RAPGEF2: variants seen among roughly 807,000 people sequenced by gnomAD.
The protein encoded by RAPGEF2 is PDZ domain containing guanine nucleotide exchange factor (GEF) 1.
RAPGEF2 carries 54 observed loss-of-function variants against 186.7 expected under a neutral mutation model. The observed-to-expected ratio is 0.29, with a 90% CI of 0.23 to 0.36. The LOEUF (loss-of-function observed/expected upper bound fraction) is 0.36, where lower values mean the gene tolerates loss of function less well. RAPGEF2 is among the 10% of genes least tolerant of loss of function. The probability of loss-of-function intolerance (pLI) is 1.00; values close to 1 mark genes in which losing one functional copy is unlikely to be tolerated. For synonymous variants in RAPGEF2, 712 were observed against 705.9 expected, an observed-to-expected ratio of 1.01 and a Z score of -0.14; for missense variants, 1,532 against 2,045.0, an observed-to-expected ratio of 0.75 and a Z score of 4.84.
intron 1 of RAPGEF2, among the ~76,000 whole-genome samples, chr4:159,150,359 C>T (rs1040982098): frequency 1.3e-5 from 2 of 152,112 alleles, no homozygotes; most frequent in African/African-American, 4.8e-5. Flanking sequence ...TGAATATATA[C>T]GGTTGATTCA....
At chr4:159,296,155 A>T (rs1003722026) in intron 7 of RAPGEF2, among the ~76,000 whole-genome samples, 7 of 152,224 alleles carry the variant, frequency 4.6e-5, no homozygotes, top group African/African-American at 7.2e-5. Context: ...TGGTTGTTGT[A>T]AAGAACTTGC....
chr4:159,201,765 G>T (rs78784316), intron 3 of RAPGEF2, among the ~76,000 whole-genome samples: 6 of 152,178 alleles, frequency 3.9e-5, no homozygotes, highest in Admixed American at 3.3e-4. Flanking sequence ...TGGTGAGACC[G>T]CAGATACAGG....
chr4:159,294,700 G>A (rs971155501), intron 7 of RAPGEF2, among the ~76,000 whole-genome samples: 90 of 95,550 alleles, frequency 9.4e-4, no homozygotes, highest in Non-Finnish European at 4.1e-4. Flanking sequence ...CTTTCCGTCC[G>A]TCTGTCCGTC....
At chr4:159,267,268 G>A in intron 7 of RAPGEF2, 1 of 1,289,376 alleles carries the variant, frequency 7.8e-7, no homozygotes, top group Non-Finnish European at 1.0e-6. Flanking sequence ...GGCTTTCCTT[G>A]TGCGTTGCTA....
Position 159,181,100 on chromosome 4 carries a change from A to T in RAPGEF2, c.70-5542A>T, listed in dbSNP as rs375911674. 7.2e-5 allele frequency among the ~76,000 whole-genome samples: 11 copies of T among 152,342 alleles called. 1 individual carries two copies. In the East Asian group the frequency reaches 2.1e-3, roughly 29 times the overall value. Reference sequence around the variant, plus strand: ...TTGTATAAGAGCGTGGCCCTTATACAACTGTGAAACACCGTAATGTTGAAA... The same window carrying T: ...TTGTATAAGAGCGTGGCCCTTATACTACTGTGAAACACCGTAATGTTGAAA... On this transcript the variant is annotated intron_variant, in intron 1 of 29. Coordinates refer to ENST00000691494, the MANE Select transcript of RAPGEF2 (RefSeq NM_001394067.2).
At chr4:159,323,906 CT>C (rs533696130) in intron 11 of RAPGEF2, among the ~76,000 whole-genome samples, 274 of 130,208 alleles carry the variant, frequency 2.1e-3, no homozygotes, top group Middle Eastern at 4.5e-3. Flanking sequence ...TTTTGGAGGG[CT>C]TTTTTTTTTT....
intron 9 of RAPGEF2, among the ~76,000 whole-genome samples, chr4:159,321,254 T>TG (rs1369055954): frequency 1.3e-5 from 2 of 151,560 alleles, no homozygotes; most frequent in African/African-American, 4.9e-5. Flanking sequence ...TCACCCATTA[T>TG]GGAGTACATT....
chr4:159,308,814 G>A (rs1052022771), intron 8 of RAPGEF2, among the ~76,000 whole-genome samples: 1 of 152,110 alleles, frequency 6.6e-6, no homozygotes, highest in Non-Finnish European at 1.5e-5. Context: ...GGGAGTTGTG[G>A]GAGTTCCTGT....
In RAPGEF2 at chr4:159,355,884, G is replaced by GCC; in HGVS notation, c.4685_4686dup (p.Thr1563ProfsTer63). ...AGGAGGGCAGGTATCGAGAGCCCCC[G>GCC]CCCACCCCTCCCGGCTACATTGGAA... On this transcript the variant is annotated frameshift_variant, in exon 29 of 30. Transcript: ENST00000691494. LOFTEE classifies it high-confidence loss of function. The GCC allele has an allele frequency of 1.4e-6, 1 of 694,202 alleles. No individual in the cohort carries two copies. The highest frequency in any genetic ancestry group is 2.0e-6 in the Non-Finnish European group (1 of 504,636). The allele number at this position is 694,202 out of a possible 1,614,324, so 43.0% of individuals were successfully genotyped here.
Position 159,350,271 on chromosome 4 carries a change from C to A in RAPGEF2, c.3847C>A (p.Gln1283Lys). ...SQLSSPPTSP[Q>K]SSPRKGYTLA... ...GCTTTCTTCTCCTCCTACTTCTCCA[C>A]AGAGTTCTCCAAGGAAAGGTAGAAT... The change falls in exon 26 of 30, where the codon CAG becomes AAG. Residue 1283 changes from glutamine (Q) to lysine (K), a missense_variant. Around this residue, in one of 4 missense-constraint regions of RAPGEF2, gnomAD observed 594 missense variants for 608.5 expected, o/e 0.98. Coordinates refer to ENST00000691494, the MANE Select transcript of RAPGEF2 (RefSeq NM_001394067.2). 1 of 1,581,382 alleles carries A rather than the reference C, an allele frequency of 6.3e-7. No individual in the cohort carries two copies. Among genetic ancestry groups the A allele is most frequent in the South Asian group, 1.2e-5 (1 of 83,232 alleles).
chr4:159,284,106 A>C (rs1279330885), intron 7 of RAPGEF2, among the ~76,000 whole-genome samples: 1 of 152,220 alleles, frequency 6.6e-6, no homozygotes, highest in East Asian at 1.9e-4. Context: ...TTCTTTATTG[A>C]AAAGTAACAT....
intron 1 of RAPGEF2, among the ~76,000 whole-genome samples, chr4:159,124,936 C>G (rs772704844): frequency 2.0e-5 from 3 of 152,098 alleles, no homozygotes; most frequent in African/African-American, 7.2e-5. Flanking sequence ...CCAGATCATA[C>G]ACTTTTGCTT....
chr4:159,222,006 G>A (rs570859443), intron 4 of RAPGEF2, among the ~76,000 whole-genome samples: 1 of 152,260 alleles, frequency 6.6e-6, no homozygotes, highest in South Asian at 2.1e-4. Flanking sequence ...TAGTCACAGT[G>A]GTATATATTA....
intron 4 of RAPGEF2, among the ~76,000 whole-genome samples, chr4:159,218,721 G>A (rs1751225415): frequency 6.6e-6 from 1 of 151,866 alleles, no homozygotes; most frequent in African/African-American, 2.4e-5. Flanking sequence ...TCACGCCACT[G>A]CACTCCAGCC....
chr4:159,325,104 A>G (rs890872766), intron 11 of RAPGEF2, among the ~76,000 whole-genome samples: 39 of 152,172 alleles, frequency 2.6e-4, no homozygotes, highest in Non-Finnish European at 8.8e-5. Flanking sequence ...AAAAATGACC[A>G]TGGCTATACA....
chr4:159,106,764 A>G (rs1179763304), intron 1 of RAPGEF2, among the ~76,000 whole-genome samples: 2 of 152,166 alleles, frequency 1.3e-5, no homozygotes, highest in Admixed American at 6.5e-5. Context: ...TCATTTCCCA[A>G]GCTCCGTGAA....
chr4:159,295,769 G>A (rs1048721959), intron 7 of RAPGEF2, among the ~76,000 whole-genome samples: 1 of 146,518 alleles, frequency 6.8e-6, no homozygotes, highest in East Asian at 1.9e-4. Flanking sequence ...GCGCGCGCGC[G>A]CGCGCATGCA....
At chr4:159,205,920 A>T (rs925793643) in intron 3 of RAPGEF2, among the ~76,000 whole-genome samples, 1 of 151,036 alleles carries the variant, frequency 6.6e-6, no homozygotes, top group Non-Finnish European at 1.5e-5. Context: ...ATTAGCCTAC[A>T]GTTGGGCAGG....
intron 25 of RAPGEF2, among the ~76,000 whole-genome samples, chr4:159,348,068 A>G (rs1305131123): frequency 6.6e-6 from 1 of 152,156 alleles, no homozygotes; most frequent in Admixed American, 6.5e-5. Flanking sequence ...GAAAAATACA[A>G]AACTTAGCCT....
Sources: gnomAD v4.1 joint callset for allele counts (sites outside exome capture counted in the v4.1 genomes callset) on GRCh38, gnomAD v4.1.1 for gene constraint, gnomAD v4.1.1 regional missense constraint, MANE v1.5 for transcripts, NCBI Gene and HGNC (gene_info 2026-07-23, HGNC 2026-07-21) for gene names.